Variants in ESCO2 observed in about 807,000 individuals in gnomAD.
ESCO2 encodes the protein N-acetyltransferase ESCO2.
In ESCO2, 51 loss-of-function variants were observed where a neutral mutation model predicts 61.7. That is an observed-to-expected ratio of 0.83 (90% CI 0.66 to 1.04). The LOEUF is 1.04. ESCO2 is among the 50% of genes least tolerant of loss of function. The pLI, the probability that ESCO2 is intolerant of heterozygous loss-of-function variation, is 0.00. For missense variants in ESCO2, 692 were observed against 686.2 expected (o/e 1.01, Z -0.09); for synonymous variants, 230 against 238.2 (o/e 0.97, Z 0.32).
intron 7 of ESCO2, among the ~76,000 whole-genome samples, chr8:27,791,620 C>T (rs961472463): frequency 2.0e-5 from 3 of 152,116 alleles, no homozygotes; most frequent in Admixed American, 6.6e-5. Flanking sequence ...TCTACCCCTC[C>T]CCTACCTGCC....
chr8:27,810,905 T>C (rs1178539366), downstream of ESCO2: 1 of 1,149,240 alleles, frequency 8.7e-7, no homozygotes, highest in Non-Finnish European at 1.3e-6. Context: ...AATTATATAA[T>C]CTTTAGTGTG....
At chr8:27,796,666 A>G (rs75960704) in intron 9 of ESCO2, among the ~76,000 whole-genome samples, 2,915 of 152,170 alleles carry the variant, frequency 0.019, 102 homozygotes, top group African/African-American at 0.066. Flanking sequence ...TAATTTTCAC[A>G]TATTTGTCAG....
chr8:27,805,967 A>AC (rs901973984), downstream of ESCO2, among the ~76,000 whole-genome samples: 7 of 152,102 alleles, frequency 4.6e-5, no homozygotes, highest in African/African-American at 1.7e-4. Context: ...CCACAAAAGG[A>AC]CCTGGGGCTC....
At chr8:27,810,877 C>T, downstream of ESCO2, 2 of 914,342 alleles carry the variant, frequency 2.2e-6, no homozygotes, top group Non-Finnish European at 3.4e-6. Context: ...AGTACTAATA[C>T]ATATCTTAGA....
rs755728928 is a variant in ESCO2 at position 27,777,075 on chromosome 8, C to G, written c.767C>G (p.Ala256Gly). Residue 256 changes from alanine to glycine, a missense_variant, in exon 3 of 11, where the codon GCG (alanine) becomes GGG (glycine). Transcript: ENST00000305188. ...VETVSEKKTF[A>G]TRQVPKCLVL... Reference sequence around the variant, plus strand: ...ACTGTCAGTGAAAAAAAAACTTTTGCGACAAGGCAAGTGCCAAAGTGCTTG... The same window carrying G: ...ACTGTCAGTGAAAAAAAAACTTTTGGGACAAGGCAAGTGCCAAAGTGCTTG... 2 of 1,604,554 alleles carry G rather than the reference C, an allele frequency of 1.2e-6. No homozygotes were observed. The highest frequency in any genetic ancestry group is 3.5e-5 in the Admixed American group (2 of 57,554).
At chr8:27,798,736 CAG>C (rs1482047347) in intron 9 of ESCO2, among the ~76,000 whole-genome samples, 13 of 152,110 alleles carry the variant, frequency 8.5e-5, no homozygotes, top group Non-Finnish European at 1.2e-4. Flanking sequence ...GGATGAGTCT[CAG>C]GGGCATTATG....
chr8:27,807,061 A>G (rs567112853), downstream of ESCO2, among the ~76,000 whole-genome samples: 3 of 152,272 alleles, frequency 2.0e-5, no homozygotes, highest in South Asian at 2.1e-4. Context: ...TATCTACATA[A>G]TATCTGTGAA....
chr8:27,792,177 T>C (rs1440721053), intron 8 of ESCO2, 125 bp downstream of exon 8: 1 of 867,264 alleles, frequency 1.2e-6, no homozygotes, highest in Admixed American at 2.0e-5. Context: ...ATTACTTTCA[T>C]AGCAATTTAT....
downstream of ESCO2, chr8:27,810,101 CTT>C: frequency 1.5e-5 from 8 of 522,540 alleles, no homozygotes; most frequent in South Asian, 2.2e-4. Flanking sequence ...GTTTCTAAAA[CTT>C]TACAGAAAAC....
intron 5 of ESCO2, among the ~76,000 whole-genome samples, chr8:27,784,447 G>C (rs929326595): frequency 2.0e-5 from 3 of 152,160 alleles, no homozygotes; most frequent in African/African-American, 7.2e-5. Flanking sequence ...TTAGGTGCTA[G>C]GACCAGGACT....
At chr8:27,784,186 T>A in intron 5 of ESCO2, 129 bp downstream of exon 5, 1 of 763,340 alleles carries the variant, frequency 1.3e-6, no homozygotes, top group Non-Finnish European at 2.2e-6. Flanking sequence ...AATAGGAGAA[T>A]AATATTGAGA....
rs1220292294 is a variant in ESCO2 at position 27,787,885 on chromosome 8, A to T, written c.1014A>T (p.Arg338Ser). The change falls in exon 6 of 11, where the codon AGA becomes AGT. Residue 338 changes from arginine (R) to serine (S), a missense_variant and splice_region_variant. By Grantham distance (110) the Arg-to-Ser change is moderately radical. Coordinates refer to ENST00000305188, the MANE Select transcript of ESCO2 (RefSeq NM_001017420.3). ...IFSASSVNSK[R>S]SLGEEQFSVG... ...ATATATATCAACTTTCTGTGTCAAG[A>T]TCTTTAGGTGAAGAACAGTTTTCTG... 1.9e-6 allele frequency: 3 copies of T among 1,608,134 alleles called. No individual in the cohort carries two copies. The highest frequency in any genetic ancestry group is 3.3e-5 in the Admixed American group (2 of 59,988).
At chr8:27,777,608 T>G (rs1219365865) in intron 3 of ESCO2, 1 of 154,524 alleles carries the variant, frequency 6.5e-6, no homozygotes, top group Non-Finnish European at 1.4e-5. Context: ...CCCAGCCACA[T>G]TTTAAGTTCT....
downstream of ESCO2, among the ~76,000 whole-genome samples, chr8:27,816,343 C>CTTATA (rs1554559818): frequency 8.1e-5 from 11 of 136,370 alleles, no homozygotes; most frequent in African/African-American, 3.2e-4. Context: ...TCATCGAATA[C>CTTATA]TATATATATA....
intron 4 of ESCO2, among the ~76,000 whole-genome samples, chr8:27,780,636 A>G (rs962281192): frequency 5.3e-5 from 8 of 152,228 alleles, no homozygotes; most frequent in Non-Finnish European, 8.8e-5. Context: ...TCAAAGCCCA[A>G]TTGTGAGCAG....
downstream of ESCO2, among the ~76,000 whole-genome samples, chr8:27,816,376 TA>T (rs1419609064): frequency 8.7e-4 from 96 of 110,644 alleles, 1 homozygote; most frequent in African/African-American, 3.1e-3. Flanking sequence ...TTTATTTATT[TA>T]TTTTAATTTA....
chr8:27,778,225 A>G (rs894027667), intron 3 of ESCO2: 1 of 152,006 alleles, frequency 6.6e-6, no homozygotes, highest in Non-Finnish European at 1.5e-5. Flanking sequence ...TCTCTAAGTC[A>G]GTGTATATCT....
chr8:27,773,057 C>G (rs746361563), upstream of ESCO2, among the ~76,000 whole-genome samples: 26 of 152,250 alleles, frequency 1.7e-4, no homozygotes, highest in Admixed American at 3.3e-4. Flanking sequence ...TAATCATATT[C>G]ATGTAAAGCT....
Position 27,801,055 on chromosome 8 carries a change from CTG to C in ESCO2, c.1673+1341_1673+1342del, listed in dbSNP as rs1158740656. 2.0e-5 allele frequency among the ~76,000 whole-genome samples: 3 copies of C among 152,068 alleles called. No homozygotes were observed. The East Asian group carries it at 5.8e-4, about 29-fold the overall frequency. The stretch of plus-strand genomic sequence containing the variant: ...ATTTGTTAATATACACAAAACCACT[CTG>C]TTGTACACTTTTAAAGGGTGAGTCT... On this transcript the variant is annotated intron_variant, in intron 10 of 10. Coordinates refer to ENST00000305188, the MANE Select transcript of ESCO2 (RefSeq NM_001017420.3).
Sources: allele counts gnomAD v4.1 joint callset (sites outside exome capture counted in the v4.1 genomes callset), GRCh38; gene constraint gnomAD v4.1.1; transcripts MANE v1.5; gene names NCBI Gene and HGNC (gene_info 2026-07-23, HGNC 2026-07-21).